Variants in GRIK4 observed in about 807,000 individuals in gnomAD.
GRIK4 encodes glutamate ionotropic receptor kainate type subunit 4.
A neutral mutation model predicts 104.9 loss-of-function variants in GRIK4; 40 were observed. The observed-to-expected ratio is 0.38, with a 90% CI of 0.30 to 0.50. The LOEUF is 0.50. GRIK4 is among the 20% of genes least tolerant of loss of function. The pLI, the probability that GRIK4 is intolerant of heterozygous loss-of-function variation, is 0.93. For missense variants in GRIK4, 1,047 were observed against 1,308.1 expected (o/e 0.80, Z 3.08); for synonymous variants, 485 against 524.9 (o/e 0.92, Z 1.04).
intron 13 of GRIK4, among the ~76,000 whole-genome samples, chr11:120,926,594 C>G (rs1235138202): frequency 6.6e-6 from 1 of 152,196 alleles, no homozygotes; most frequent in Non-Finnish European, 1.5e-5. Context: ...AGGGTGTACC[C>G]TTGGTCAAAA....
At chr11:120,828,753 G>A (rs1421897992) in intron 6 of GRIK4, among the ~76,000 whole-genome samples, 1 of 152,118 alleles carries the variant, frequency 6.6e-6, no homozygotes, top group South Asian at 2.1e-4. Context: ...TCCTGTCCCC[G>A]CCCCGCGTCT....
chr11:120,696,449 T>A (rs1204324228), intron 3 of GRIK4, among the ~76,000 whole-genome samples: 1 of 136,150 alleles, frequency 7.3e-6, no homozygotes, highest in Admixed American at 8.2e-5. Flanking sequence ...GAGCTATGTT[T>A]TGAGCAAAAT....
intron 8 of GRIK4, among the ~76,000 whole-genome samples, chr11:120,850,956 C>T (rs1953960193): frequency 6.6e-6 from 1 of 152,028 alleles, no homozygotes; most frequent in African/African-American, 2.4e-5. Context: ...GCGTCAACAG[C>T]TCCGTAAATC....
intron 15 of GRIK4, among the ~76,000 whole-genome samples, chr11:120,955,807 ATTCTTTT>A (rs1256462915): frequency 6.8e-6 from 1 of 146,394 alleles, no homozygotes; most frequent in African/African-American, 2.5e-5. Flanking sequence ...AAGCAGCAGC[ATTCTTTT>A]TTTTTTTTTG....
intron 1 of GRIK4, among the ~76,000 whole-genome samples, chr11:120,528,010 C>G (rs1205165453): frequency 6.6e-6 from 1 of 152,234 alleles, no homozygotes; most frequent in Non-Finnish European, 1.5e-5. Context: ...GGGTCTCACT[C>G]TATTGCCCAG....
Position 120,956,920 on chromosome 11 carries a change from G to A in GRIK4, c.1841G>A (p.Arg614His), listed in dbSNP as rs768347024. ...CAGCAAGGCTCCACCATCGCCCCTC[G>A]CGCCTTATCCACCCGCTGTGTCAGT... ...FMQQGSTIAP[R>H]ALSTRCVSGV... The change falls in exon 16 of 21, where the codon CGC becomes CAC. Residue 614 changes from arginine to histidine, a missense_variant. Physicochemically the swap from Arg to His is conservative, Grantham distance 29. Transcript: ENST00000527524. This position sits in a 1 kb window ranked among gnomAD's most constrained non-coding sequence, Gnocchi z 4.6. 3.2e-5 allele frequency: 52 copies of A among 1,612,736 alleles called. 2 individuals are homozygous for A. The highest frequency in any genetic ancestry group is 2.1e-4 in the South Asian group (19 of 90,808).
chr11:120,603,545 G>A (rs1464469399), intron 1 of GRIK4, among the ~76,000 whole-genome samples: 1 of 152,178 alleles, frequency 6.6e-6, no homozygotes, highest in African/African-American at 2.4e-5. Flanking sequence ...TACTAGGCAT[G>A]ATCATCCACC....
intron 20 of GRIK4, among the ~76,000 whole-genome samples, chr11:120,983,194 G>C (rs970775534): frequency 6.6e-6 from 1 of 152,092 alleles, no homozygotes; most frequent in South Asian, 2.1e-4. Flanking sequence ...TTTTGCCCCT[G>C]TATTTTTTTC....
rs373306093 is a variant in GRIK4, at chr11:120,986,567, G to T, written c.*307G>T. On this transcript the variant is annotated 3_prime_UTR_variant, in exon 21 of 21. Coordinates refer to ENST00000527524, the MANE Select transcript of GRIK4 (RefSeq NM_014619.5). ...CGCCAAAATAACAAGAGTATAGGGTGGGGGGTCCCTACCCAGACCAGTCCA... is the reference window on the plus strand; with the variant it reads ...CGCCAAAATAACAAGAGTATAGGGTTGGGGGTCCCTACCCAGACCAGTCCA... 2 of 345,612 alleles carry T rather than the reference G, an allele frequency of 5.8e-6. No homozygotes were observed. The highest frequency in any genetic ancestry group is 2.2e-5 in the African/African-American group (1 of 45,542). The allele number at this position is 345,612 out of a possible 1,614,324, so 21.4% of individuals were successfully genotyped here. A position where few individuals can be genotyped will look rare whatever the true frequency, so the allele number is the denominator to read the frequency against.
At chr11:120,962,799 G>GC in intron 18 of GRIK4, 118 bp downstream of exon 18, 1 of 608,644 alleles carries the variant, frequency 1.6e-6, no homozygotes, top group Non-Finnish European at 2.9e-6. Flanking sequence ...CAGTTTAACA[G>GC]TGACTTTACG....
chr11:120,751,207 A>C (rs944135123), intron 3 of GRIK4, among the ~76,000 whole-genome samples: 1 of 151,918 alleles, frequency 6.6e-6, no homozygotes, highest in Non-Finnish European at 1.5e-5. Flanking sequence ...TCAGCTCAGA[A>C]CCCGTGCCTG....
chr11:120,655,320 G>C (rs1324528020), intron 2 of GRIK4, among the ~76,000 whole-genome samples: 1 of 151,928 alleles, frequency 6.6e-6, no homozygotes, highest in African/African-American at 2.4e-5. Context: ...CATGCAGGGG[G>C]CAGAGGGCAC....
intron 1 of GRIK4, among the ~76,000 whole-genome samples, chr11:120,532,754 T>C (rs1008423394): frequency 2.0e-5 from 3 of 152,202 alleles, no homozygotes; most frequent in African/African-American, 7.2e-5. Flanking sequence ...ACCAGAGTTT[T>C]CTGAAGTATC....
intron 1 of GRIK4, among the ~76,000 whole-genome samples, chr11:120,634,919 C>T (rs17124120): frequency 0.23 from 35,166 of 152,106 alleles, 4,711 homozygotes; most frequent in Admixed American, 0.37. Flanking sequence ...CTAGGGAAAG[C>T]GAGATGCGAA....
chr11:120,707,919 C>T (rs1440173737), intron 3 of GRIK4, among the ~76,000 whole-genome samples: 3 of 152,166 alleles, frequency 2.0e-5, no homozygotes, highest in African/African-American at 7.2e-5. Flanking sequence ...CCCACAAGAA[C>T]CATGCAGAAG....
intron 8 of GRIK4, among the ~76,000 whole-genome samples, chr11:120,849,074 C>T (rs536505507): frequency 6.6e-6 from 1 of 152,240 alleles, no homozygotes; most frequent in African/African-American, 2.4e-5. Context: ...ATAAGTCCCA[C>T]GGGGCTCCCA....
In GRIK4 at chr11:120,902,740, G is replaced by C. The variant is rs1295798867; in HGVS notation, c.1273-2550G>C. Among the ~76,000 whole-genome samples the C allele has an allele frequency of 1.3e-5, 2 of 152,172 alleles. No homozygotes were observed. Among genetic ancestry groups the C allele is most frequent in the African/African-American group, 4.8e-5 (2 of 41,424 alleles). On this transcript the variant is annotated intron_variant, in intron 12 of 20. Transcript: ENST00000527524. The surrounding 1 kb of genome is among the most constrained non-coding windows in gnomAD (Gnocchi z 4.5). ...TGGCATGAGAGCAGGGGAGTTCTGA[G>C]ACATGGGTTGGCACAGAAGGAGGCA...
chr11:120,734,390 C>T (rs1012382801), intron 3 of GRIK4, among the ~76,000 whole-genome samples: 2 of 152,162 alleles, frequency 1.3e-5, no homozygotes, highest in Admixed American at 6.5e-5. Context: ...AAGGTTTCCA[C>T]TGAAAAGTCT....
intron 1 of GRIK4, among the ~76,000 whole-genome samples, chr11:120,515,222 A>C (rs901444774): frequency 6.6e-6 from 1 of 152,246 alleles, no homozygotes; most frequent in East Asian, 1.9e-4. Context: ...CCAGCCTTCA[A>C]GGTGCTGCTG....
Sources: allele counts gnomAD v4.1 joint callset (sites outside exome capture counted in the v4.1 genomes callset), GRCh38; gene constraint gnomAD v4.1.1; non-coding constraint Gnocchi (gnomAD v3.1); transcripts MANE v1.5; gene names NCBI Gene and HGNC (gene_info 2026-07-23, HGNC 2026-07-21).